The following CHST9 variants were observed in gnomAD, a reference collection of about 807,000 sequenced individuals.
CHST9 encodes GalNAc-4-sulfotransferase 2.
CHST9 carries 41 observed loss-of-function variants against 44.4 expected under a neutral mutation model. The observed-to-expected ratio is 0.92, with a 90% confidence interval of 0.72 to 1.20. CHST9 has a LOEUF of 1.20. CHST9 is among the 50% of genes most tolerant of loss of function. The pLI, the probability that CHST9 is intolerant of heterozygous loss-of-function variation, is 0.00. For missense variants in CHST9, 504 were observed against 516.5 expected (o/e 0.98, Z 0.23); for synonymous variants, 171 against 178.4 (o/e 0.96, Z 0.33).
chr18:26,934,858 A>G (rs2055958497), intron 5 of CHST9: 1 of 152,200 alleles, frequency 6.6e-6, no homozygotes, highest in South Asian at 2.1e-4. Flanking sequence ...TGGCTGTTTC[A>G]AACTCCCATA....
rs2055411858 is a variant in CHST9 at position 26,909,507 on chromosome 18, T to C, written c.*6752A>G. On this transcript the variant is annotated 3_prime_UTR_variant, in exon 6 of 6. Coordinates refer to ENST00000618847, the MANE Select transcript of CHST9 (RefSeq NM_031422.6). Reference sequence around the variant, plus strand: ...TGATAAGTTAAATCAGGGCTTATTTTTTCCTAAGGATAATCACAGTCAAAC... The same window carrying C: ...TGATAAGTTAAATCAGGGCTTATTTCTTCCTAAGGATAATCACAGTCAAAC... 6.6e-6 allele frequency: 1 copy of C among 152,218 alleles called. No homozygotes were observed. 9.4% of individuals were successfully genotyped at this position (152,218 alleles called of 1,614,324 possible). A position where few individuals can be genotyped will look rare whatever the true frequency, so the allele number is the denominator to read the frequency against.
At chr18:27,059,041 T>C (rs941415320) in intron 2 of CHST9, among the ~76,000 whole-genome samples, 1 of 152,208 alleles carries the variant, frequency 6.6e-6, no homozygotes, top group African/African-American at 2.4e-5. Context: ...ATATGTTCTA[T>C]TATTCAGCAT....
Position 26,925,587 on chromosome 18 carries a change from G to A in CHST9, c.241-8237C>T, listed in dbSNP as rs576419406. On this transcript the variant is annotated intron_variant, in intron 5 of 5. Coordinates refer to ENST00000618847, the MANE Select transcript of CHST9 (RefSeq NM_031422.6). ...ATGCCTGTTACAAGAGATAATGGTC[G>A]TTAAGAACATGGATTTTTGAGTCAG... 3.0e-4 allele frequency among the ~76,000 whole-genome samples: 45 copies of A among 152,312 alleles called. No homozygotes were observed. The South Asian group carries it at 9.1e-3, about 31-fold the overall frequency.
intron 4 of CHST9, among the ~76,000 whole-genome samples, chr18:26,954,835 C>G (rs2056300345): frequency 1.3e-5 from 2 of 152,072 alleles, no homozygotes; most frequent in South Asian, 4.1e-4. Context: ...ATAATGTAAG[C>G]TCCTTGAGGC....
chr18:27,162,123 T>C (rs1375403845), intron 1 of CHST9, among the ~76,000 whole-genome samples: 3 of 152,216 alleles, frequency 2.0e-5, no homozygotes, highest in Non-Finnish European at 4.4e-5. Context: ...AGATTAATAT[T>C]GTTATGTGTG....
At chr18:27,087,676 C>T (rs2058025809) in intron 2 of CHST9, among the ~76,000 whole-genome samples, 1 of 152,166 alleles carries the variant, frequency 6.6e-6, no homozygotes, top group Admixed American at 6.5e-5. Flanking sequence ...GGAACACTAT[C>T]CCACAATGAA....
intron 2 of CHST9, among the ~76,000 whole-genome samples, chr18:27,052,636 C>T (rs2057581649): frequency 1.3e-5 from 2 of 152,160 alleles, no homozygotes; most frequent in Admixed American, 6.6e-5. Context: ...CTCCACTGCA[C>T]TTCAACACAT....
At chr18:27,040,559 C>CA (rs376012868) in intron 3 of CHST9, among the ~76,000 whole-genome samples, 235 of 152,218 alleles carry the variant, frequency 1.5e-3, no homozygotes, top group African/African-American at 5.1e-3. Flanking sequence ...GTCATAACCT[C>CA]ACTTCTGGGG....
At chr18:26,972,633 G>A (rs1279850983) in intron 4 of CHST9, among the ~76,000 whole-genome samples, 4 of 152,144 alleles carry the variant, frequency 2.6e-5, no homozygotes, top group Admixed American at 1.3e-4. Flanking sequence ...AAGGAGCCGT[G>A]TCAGAATTGG....
intron 4 of CHST9, among the ~76,000 whole-genome samples, chr18:27,013,877 A>C (rs948399639): frequency 6.6e-6 from 1 of 152,228 alleles, no homozygotes; most frequent in African/African-American, 2.4e-5. Flanking sequence ...GAATTTAATA[A>C]ATTGATTGCC....
intron 4 of CHST9, among the ~76,000 whole-genome samples, chr18:26,969,333 C>G (rs2056508293): frequency 6.6e-6 from 1 of 151,534 alleles, no homozygotes; most frequent in Non-Finnish European, 1.5e-5. Flanking sequence ...TTTTAATACT[C>G]TTTACTAGCT....
chr18:26,968,833 A>T (rs1335304360), intron 4 of CHST9, among the ~76,000 whole-genome samples: 1 of 152,130 alleles, frequency 6.6e-6, no homozygotes, highest in Non-Finnish European at 1.5e-5. Flanking sequence ...AAGGATCCAG[A>T]TATGTTTTTC....
At chr18:27,066,147 A>G (rs912084624) in intron 2 of CHST9, among the ~76,000 whole-genome samples, 1 of 152,236 alleles carries the variant, frequency 6.6e-6, no homozygotes, top group Admixed American at 6.5e-5. Context: ...TGGGCAACAA[A>G]GTCAAAAGGA....
intron 2 of CHST9, among the ~76,000 whole-genome samples, chr18:27,072,483 T>C (rs1171238652): frequency 6.6e-6 from 1 of 152,092 alleles, no homozygotes; most frequent in Non-Finnish European, 1.5e-5. Flanking sequence ...GCTGATGAAA[T>C]GCTTTAAGTT....
At chr18:27,160,775 C>T (rs959584481) in intron 1 of CHST9, among the ~76,000 whole-genome samples, 1 of 152,136 alleles carries the variant, frequency 6.6e-6, no homozygotes, top group African/African-American at 2.4e-5. Context: ...TTAAGTATTG[C>T]CTCAATTTCA....
At chr18:27,047,693 G>A (rs2057521012) in intron 3 of CHST9, among the ~76,000 whole-genome samples, 1 of 152,054 alleles carries the variant, frequency 6.6e-6, no homozygotes, top group Non-Finnish European at 1.5e-5. Flanking sequence ...GTGATTGGTA[G>A]CTCTTGCTTA....
At chr18:26,956,340 T>G in intron 4 of CHST9, among the ~76,000 whole-genome samples, 1 of 140,634 alleles carries the variant, frequency 7.1e-6, no homozygotes, top group Non-Finnish European at 1.5e-5. Flanking sequence ...TATATATATA[T>G]ATATACACAC....
intron 4 of CHST9, among the ~76,000 whole-genome samples, chr18:26,971,192 G>C (rs2056538156): frequency 6.6e-6 from 1 of 152,150 alleles, no homozygotes; most frequent in Admixed American, 6.5e-5. Context: ...GGGGCCCTAA[G>C]AAAGACCTAA....
intron 4 of CHST9, among the ~76,000 whole-genome samples, chr18:27,022,444 A>C (rs1269897360): frequency 6.6e-6 from 1 of 152,042 alleles, no homozygotes; most frequent in East Asian, 1.9e-4. Flanking sequence ...TTCACATTTC[A>C]ACTCTTTATG....
Sources: gnomAD v4.1 joint callset for allele counts (sites outside exome capture counted in the v4.1 genomes callset) on GRCh38, gnomAD v4.1.1 for gene constraint, MANE v1.5 for transcripts, NCBI Gene and HGNC (gene_info 2026-07-23, HGNC 2026-07-21) for gene names.